The following PPM1F variants were observed in gnomAD, a reference collection of about 807,000 sequenced individuals.
The protein encoded by PPM1F is protein phosphatase, Mg2+/Mn2+ dependent 1F.
In PPM1F, 17 loss-of-function variants were observed where a neutral mutation model predicts 35.5. The observed-to-expected ratio is 0.48, with a 90% confidence interval of 0.33 to 0.72. The LOEUF (loss-of-function observed/expected upper bound fraction) is 0.72. Among genes scored for constraint, PPM1F ranks in the 30% least tolerant of loss-of-function variants. The pLI, the probability that PPM1F is intolerant of heterozygous loss-of-function variation, is 0.02. For synonymous variants in PPM1F, 241 were observed against 255.5 expected (o/e 0.94, Z 0.54); for missense variants, 521 against 613.0 (o/e 0.85, Z 1.59).
intron 2 of PPM1F, chr22:21,945,162 C>T (rs964815323): frequency 6.6e-6 from 1 of 152,270 alleles, no homozygotes; most frequent in Non-Finnish European, 1.5e-5. Flanking sequence ...AGAATATGAT[C>T]TTATTTGGAG....
In PPM1F at chr22:21,920,098, T is replaced by C. The variant is rs1262738014; in HGVS notation, c.*2994A>G. The C allele has an allele frequency of 2.0e-5, 3 of 152,268 alleles. No individual in the cohort carries two copies. The highest frequency in any genetic ancestry group is 7.2e-5 in the African/African-American group (3 of 41,452). The allele number at this position is 152,268 out of a possible 1,614,324, so 9.4% of individuals were successfully genotyped here. On this transcript the variant is annotated 3_prime_UTR_variant, in exon 8 of 8. Coordinates refer to ENST00000263212, the MANE Select transcript of PPM1F (RefSeq NM_014634.4). ...AGCTTTTGTATTCCATATACGGTGC[T>C]GGCATGTGGAGCTCCATTCTTCTCC...
In PPM1F at chr22:21,931,214, G is replaced by C. The variant is rs1463125934; in HGVS notation, c.825C>G (p.Ser275=). ...GTCCCTGCTGTACCAAAATGACCTG[G>C]GAATCCCCGAGCCAGGCGACGTGCA... ...ATLHVAWLGD[S]QVILVQQGQV... Residue 275 remains serine, a synonymous_variant, in exon 6 of 8, where the codon TCC becomes TCG. Transcript: ENST00000263212. The C allele has an allele frequency of 6.2e-7, 1 of 1,614,140 alleles. No individual in the cohort carries two copies. Among genetic ancestry groups the C allele is most frequent in the Non-Finnish European group, 8.5e-7 (1 of 1,180,036 alleles).
chr22:21,950,395 T>G (rs1275132677), intron 1 of PPM1F: 1 of 152,170 alleles, frequency 6.6e-6, no homozygotes, highest in African/African-American at 2.4e-5. Flanking sequence ...AAAGTTTTTT[T>G]TTTTTTAATT....
rs549081969 is a variant in PPM1F, at chr22:21,938,202, A to G, written c.355+1330T>C. On this transcript the variant is annotated intron_variant, in intron 3 of 7. Transcript: ENST00000263212. ...TGCCGGCGCAGCAACGCTCCTTCTC[A>G]CCGGCAGGTGGCGCTGTCTCCCGCG... The G allele has an allele frequency of 2.3e-6, 3 of 1,303,084 alleles. No individual in the cohort carries two copies. In the South Asian group the frequency reaches 3.7e-5, roughly 16 times the overall value. 80.7% of individuals were successfully genotyped at this position (1,303,084 alleles called of 1,614,324 possible).
chr22:21,952,128 T>C (rs1489914111), intron 1 of PPM1F: 1 of 152,400 alleles, frequency 6.6e-6, no homozygotes, highest in Non-Finnish European at 1.5e-5. Context: ...CCGAAATCCC[T>C]GCAGCCGGAG....
At chr22:21,931,898 C>T (rs2070595470) in intron 5 of PPM1F, among the ~76,000 whole-genome samples, 1 of 152,082 alleles carries the variant, frequency 6.6e-6, no homozygotes, top group South Asian at 2.1e-4. Flanking sequence ...CTGCAACTTC[C>T]ATCTCCTGGG....
chr22:21,927,962 T>G (rs1190914010), intron 6 of PPM1F, among the ~76,000 whole-genome samples: 1 of 122,142 alleles, frequency 8.2e-6, no homozygotes. Flanking sequence ...TTTTTTTTTT[T>G]TTTTTTTTGG....
rs150172942 is a variant in PPM1F at position 21,932,938 on chromosome 22, C to T, written c.747+453G>A. On this transcript the variant is annotated intron_variant, in intron 5 of 7. Coordinates refer to ENST00000263212, the MANE Select transcript of PPM1F (RefSeq NM_014634.4). ...CAAATACCTGGGGAGGATGCAGAGA[C>T]GGCTCTGGCCCAGCTTCCCTCTCTT... 3.5e-3 allele frequency among the ~76,000 whole-genome samples: 534 copies of T among 152,312 alleles called. 25 individuals are homozygous for T. Among genetic ancestry groups the T allele is most frequent in the Admixed American group, 0.031 (477 of 15,296 alleles).
chr22:21,942,983 C>T (rs529103815), intron 2 of PPM1F: 2 of 152,360 alleles, frequency 1.3e-5, no homozygotes, highest in East Asian at 1.9e-4. Context: ...AGACAAAAAC[C>T]ACACTCAAAT....
At chr22:21,925,405 T>C in intron 7 of PPM1F, 164 bp downstream of exon 7, 1 of 591,708 alleles carries the variant, frequency 1.7e-6, no homozygotes, top group Non-Finnish European at 3.1e-6. Context: ...TCTCTGAATC[T>C]GCCCTGTTCC....
At chr22:21,927,083 G>T (rs976197810) in intron 6 of PPM1F, among the ~76,000 whole-genome samples, 1 of 152,222 alleles carries the variant, frequency 6.6e-6, no homozygotes, top group Non-Finnish European at 1.5e-5. Context: ...CCCAGCTGAG[G>T]TGGAGAATCA....
intron 6 of PPM1F, 150 bp downstream of exon 6, chr22:21,930,998 C>T (rs1005031577): frequency 6.4e-5 from 84 of 1,320,428 alleles, no homozygotes; most frequent in East Asian, 1.0e-4. Context: ...GTGGGACCCC[C>T]GGCCACTCAA....
At chr22:21,943,503 C>T (rs2070746607) in intron 2 of PPM1F, 1 of 152,224 alleles carries the variant, frequency 6.6e-6, no homozygotes, top group Non-Finnish European at 1.5e-5. Context: ...CTCTGCACCC[C>T]TCCTGCTCGC....
chr22:21,934,884 CA>C (rs59551724), intron 3 of PPM1F: 3,275 of 64,252 alleles, frequency 0.051, 33 homozygotes, highest in African/African-American at 0.13. Context: ...GACTCTGTCT[CA>C]AAAAAAAAAA....
chr22:21,931,332 G>A (rs368180471), intron 5 of PPM1F, 41 bp from the exon 6 acceptor site: 8 of 1,591,094 alleles, frequency 5.0e-6, no homozygotes, highest in African/African-American at 4.0e-5. Flanking sequence ...GAGGAGGTAG[G>A]GAAGGGCAGA....
At chr22:21,926,132 CTTTTTTTTT>C (rs917204354) in intron 6 of PPM1F, 1 of 131,474 alleles carries the variant, frequency 7.6e-6, no homozygotes, top group Admixed American at 7.7e-5. Flanking sequence ...CCGCCCAGTT[CTTTTTTTTT>C]TTTTTTTTTG....
Position 21,933,432 on chromosome 22 carries a change from G to A in PPM1F, c.706C>T (p.Arg236Trp), listed in dbSNP as rs762050247. 5.0e-6 allele frequency: 8 copies of A among 1,612,668 alleles called. No homozygotes were observed. The highest frequency in any genetic ancestry group is 1.3e-5 in the African/African-American group (1 of 74,932). ...DPEGALREAF[R>W]RTDQMFLRKA... Reference sequence around the variant, plus strand: ...CTGAGAAACATCTGGTCGGTGCGCCGGAAGGCTTCTCTGAGGGCTCCCTCA... The same window carrying A: ...CTGAGAAACATCTGGTCGGTGCGCCAGAAGGCTTCTCTGAGGGCTCCCTCA... The change falls in exon 5 of 8, where the codon CGG (arginine) becomes TGG (tryptophan). Residue 236 changes from arginine to tryptophan, a missense_variant. This residue lies in a region of PPM1F where 311 missense variants were observed against 351.5 expected (regional missense o/e 0.88). Transcript: ENST00000263212.
rs767497530 is a variant in PPM1F at position 21,930,588 on chromosome 22, G to C, written c.891+560C>G. Among the ~76,000 whole-genome samples the C allele has an allele frequency of 4.6e-4, 70 of 152,300 alleles. 1 individual carries two copies. The Middle Eastern group carries it at 0.01, about 22-fold the overall frequency. ...CATAGCTGGTGGAGAACAGCACGTG[G>C]GAAAAGTGGGGTTTGAGGGATAAAC... On this transcript the variant is annotated intron_variant, in intron 6 of 7. Coordinates refer to ENST00000263212, the MANE Select transcript of PPM1F (RefSeq NM_014634.4).
chr22:21,923,228 A>G lies in PPM1F; in HGVS notation c.1229T>C (p.Val410Ala), dbSNP rs559659083. The G allele has an allele frequency of 4.3e-6, 7 of 1,613,176 alleles. No individual in the cohort carries two copies. Among genetic ancestry groups the G allele is most frequent in the Non-Finnish European group, 5.9e-6 (7 of 1,179,912 alleles). ...RGSHDNITVM[V>A]VFLRDPQELL... The stretch of plus-strand genomic sequence containing the variant: ...CTCTTGGGGGTCCCTGAGGAAGACC[A>G]CCATGACCGTGATGTTGTCGTGGGA... Residue 410 changes from valine to alanine, a missense_variant, in exon 8 of 8, where the codon GTG (valine) becomes GCG (alanine). Transcript: ENST00000263212.
Sources: gnomAD v4.1 joint callset for allele counts (sites outside exome capture counted in the v4.1 genomes callset) on GRCh38, gnomAD v4.1.1 for gene constraint, gnomAD v4.1.1 regional missense constraint, MANE v1.5 for transcripts, NCBI Gene and HGNC (gene_info 2026-07-23, HGNC 2026-07-21) for gene names.